PTPRG: variants seen among roughly 807,000 people sequenced by gnomAD.
The protein encoded by PTPRG is protein tyrosine phosphatase receptor type G, also known as receptor-type tyrosine-protein phosphatase gamma.
Under a neutral mutation model 165.3 loss-of-function variants are expected in PTPRG, and 102 were observed. That is an observed-to-expected ratio of 0.62 (90% confidence interval 0.53 to 0.73). PTPRG has a LOEUF of 0.73. Among genes scored for constraint, PTPRG ranks in the 30% least tolerant of loss-of-function variants. The pLI is 0.00. For missense variants in PTPRG, 1,866 were observed against 1,861.4 expected (o/e 1.00, Z -0.05); for synonymous variants, 675 against 669.5 (o/e 1.01, Z -0.13).
chr3:61,766,293 C>T (rs968293843), intron 2 of PTPRG, among the ~76,000 whole-genome samples: 3 of 152,168 alleles, frequency 2.0e-5, no homozygotes, highest in African/African-American at 7.2e-5. Flanking sequence ...ACTTTTCTCC[C>T]CAAAGAAATG....
At chr3:61,621,553 G>A (rs1180414179) in intron 1 of PTPRG, among the ~76,000 whole-genome samples, 1 of 151,770 alleles carries the variant, frequency 6.6e-6, no homozygotes, top group Admixed American at 6.6e-5. Flanking sequence ...TGTTTTTTTC[G>A]CTTCCTCCCT....
chr3:61,564,612 C>T (rs547562407), intron 1 of PTPRG, among the ~76,000 whole-genome samples: 1 of 152,314 alleles, frequency 6.6e-6, no homozygotes, highest in African/African-American at 2.4e-5. Context: ...AAAAGTGCAG[C>T]CCGAGAGGGA....
At chr3:62,152,101 C>T (rs1048389318) in intron 6 of PTPRG, among the ~76,000 whole-genome samples, 3 of 152,082 alleles carry the variant, frequency 2.0e-5, no homozygotes, top group African/African-American at 4.8e-5. Context: ...CATATGGGCT[C>T]ACAGCTGTAA....
intron 2 of PTPRG, among the ~76,000 whole-genome samples, chr3:61,787,730 T>C (rs1274370384): frequency 3.3e-5 from 5 of 152,214 alleles, no homozygotes; most frequent in African/African-American, 1.2e-4. Flanking sequence ...AAAGTCAATC[T>C]GTTCTTAAAA....
At chr3:61,653,504 C>T (rs1425454197) in intron 1 of PTPRG, among the ~76,000 whole-genome samples, 3 of 151,870 alleles carry the variant, frequency 2.0e-5, no homozygotes, top group Admixed American at 6.6e-5. Flanking sequence ...TTAGTCCTCA[C>T]GTATTTATGT....
At chr3:61,575,681 C>A (rs1002467666) in intron 1 of PTPRG, among the ~76,000 whole-genome samples, 9 of 150,402 alleles carry the variant, frequency 6.0e-5, no homozygotes, top group African/African-American at 9.9e-5. Flanking sequence ...TCGCTGAAAC[C>A]TCTGCCTCCC....
At chr3:61,985,883 G>A (rs2040747188) in intron 2 of PTPRG, among the ~76,000 whole-genome samples, 3 of 152,216 alleles carry the variant, frequency 2.0e-5, no homozygotes, top group East Asian at 3.9e-4. Context: ...ATTTGCACAT[G>A]GATTCTTTCA....
intron 28 of PTPRG, among the ~76,000 whole-genome samples, chr3:62,288,155 AAAC>A (rs1408112248): frequency 4.4e-4 from 67 of 152,032 alleles, no homozygotes; most frequent in Non-Finnish European, 5.7e-4. Flanking sequence ...AAAAAAAAAA[AAAC>A]AGCCTGTGTA....
chr3:61,706,866 A>G (rs953319831), intron 1 of PTPRG, among the ~76,000 whole-genome samples: 6 of 152,202 alleles, frequency 3.9e-5, no homozygotes, highest in African/African-American at 1.2e-4. Flanking sequence ...TTAAAAATAC[A>G]TGAAACATGC....
chr3:62,124,065 C>CT (rs540723355), intron 5 of PTPRG: 10,275 of 447,308 alleles, frequency 0.023, no homozygotes, highest in Middle Eastern at 0.029. Flanking sequence ...TTTTCCTTCC[C>CT]TTTTTTTTTT....
At chr3:61,599,197 T>C (rs1472171805) in intron 1 of PTPRG, among the ~76,000 whole-genome samples, 2 of 152,124 alleles carry the variant, frequency 1.3e-5, no homozygotes, top group South Asian at 2.1e-4. Context: ...CAGGCTGGAG[T>C]GCAGTGCAAT....
intron 2 of PTPRG, among the ~76,000 whole-genome samples, chr3:61,766,781 T>G (rs560258811): frequency 1.1e-4 from 17 of 152,150 alleles, no homozygotes; most frequent in African/African-American, 4.1e-4. Flanking sequence ...CATACCCAGC[T>G]AATGTTTATT....
At chr3:61,784,445 G>C (rs1341761216) in intron 2 of PTPRG, among the ~76,000 whole-genome samples, 1 of 152,202 alleles carries the variant, frequency 6.6e-6, no homozygotes, top group East Asian at 1.9e-4. Context: ...GGGTGGGGGA[G>C]AGAGTTTGTG....
intron 2 of PTPRG, among the ~76,000 whole-genome samples, chr3:61,922,315 T>C (rs1182881319): frequency 6.6e-6 from 1 of 152,236 alleles, no homozygotes; most frequent in Non-Finnish European, 1.5e-5. Flanking sequence ...CAACACACAT[T>C]TCATGAATGT....
intron 1 of PTPRG, among the ~76,000 whole-genome samples, chr3:61,711,136 G>A (rs1244461424): frequency 1.3e-5 from 2 of 152,162 alleles, no homozygotes; most frequent in African/African-American, 2.4e-5. Flanking sequence ...ATTCCATGGT[G>A]TATGTGTGCC....
chr3:62,033,382 G>C (rs1162124271), intron 4 of PTPRG, among the ~76,000 whole-genome samples: 4 of 68,384 alleles, frequency 5.8e-5, no homozygotes, highest in Non-Finnish European at 8.9e-5. Context: ...TTTTTTTTTT[G>C]AGACAGGGTC....
At chr3:61,667,645 G>A (rs1294082407) in intron 1 of PTPRG, among the ~76,000 whole-genome samples, 2 of 152,056 alleles carry the variant, frequency 1.3e-5, no homozygotes, top group African/African-American at 4.8e-5. Flanking sequence ...AGAATTACCG[G>A]CTAATAAATG....
intron 16 of PTPRG, among the ~76,000 whole-genome samples, chr3:62,257,624 A>G (rs529362891): frequency 1.3e-4 from 20 of 152,252 alleles, no homozygotes; most frequent in African/African-American, 4.6e-4. Context: ...ACTTGAACCC[A>G]CATGGTTCAC....
chr3:61,569,050 G>A (rs1002347329), intron 1 of PTPRG, among the ~76,000 whole-genome samples: 1 of 152,184 alleles, frequency 6.6e-6, no homozygotes, highest in African/African-American at 2.4e-5. Flanking sequence ...TACTTGTGGT[G>A]GGTGTGGGGA....
Sources: gnomAD v4.1 joint callset for allele counts (sites outside exome capture counted in the v4.1 genomes callset) on GRCh38, gnomAD v4.1.1 for gene constraint, MANE v1.5 for transcripts, NCBI Gene and HGNC (gene_info 2026-07-23, HGNC 2026-07-21) for gene names.